Variants in DSCAM observed in about 807,000 individuals in gnomAD.
The protein encoded by DSCAM is cell adhesion molecule DSCAM.
Under a neutral mutation model 217.7 loss-of-function variants are expected in DSCAM, and 47 were observed. That is an observed-to-expected ratio of 0.22 (90% CI 0.17 to 0.28). The LOEUF is 0.28. Ranked by LOEUF, DSCAM falls within the 10% of genes least tolerant of loss-of-function variation. The pLI is 1.00. For synonymous variants in DSCAM, 1,056 were observed against 1,015.3 expected (o/e 1.04, Z -0.76); for missense variants, 2,080 against 2,618.3 (o/e 0.79, Z 4.49).
rs372118440 is a variant in DSCAM, at chr21:40,017,103, C to CA, written c.5687-3718dup. 6.1e-3 allele frequency among the ~76,000 whole-genome samples: 528 copies of CA among 86,078 alleles called. 7 individuals carry two copies. Among genetic ancestry groups the CA allele is most frequent in the Middle Eastern group, 0.015 (2 of 136 alleles). 56.5% of individuals were successfully genotyped at this position (86,078 alleles called of 152,430 possible). ...GGGCAACAAGGATGAAACTCCATCT[C>CA]AAAAAAAAAAAAAAAAAGTATAAGA... On this transcript the variant is annotated intron_variant, in intron 32 of 32. Transcript: ENST00000400454.
intron 11 of DSCAM, among the ~76,000 whole-genome samples, chr21:40,243,395 TTTTTCA>T (rs1337149996): frequency 6.6e-6 from 1 of 152,232 alleles, no homozygotes; most frequent in Non-Finnish European, 1.5e-5. Flanking sequence ...TTTCTTTTTC[TTTTTCA>T]ATAGTGAAAG....
At chr21:40,206,616 C>T (rs1029201684) in intron 11 of DSCAM, among the ~76,000 whole-genome samples, 3 of 150,340 alleles carry the variant, frequency 2.0e-5, no homozygotes, top group Non-Finnish European at 4.4e-5. Context: ...TAAAACTCTG[C>T]TTTTATTTTT....
chr21:40,202,628 C>T (rs954166536), intron 11 of DSCAM, among the ~76,000 whole-genome samples: 1 of 152,232 alleles, frequency 6.6e-6, no homozygotes, highest in African/African-American at 2.4e-5. Flanking sequence ...TCTCCTCTAC[C>T]TGAAGATTCT....
chr21:40,261,046 T>C (rs1054785233), intron 11 of DSCAM, among the ~76,000 whole-genome samples: 4 of 152,214 alleles, frequency 2.6e-5, no homozygotes, highest in Admixed American at 6.5e-5. Context: ...TGTTTGAACA[T>C]AGACAATAGC....
chr21:40,486,435 G>GAGGC (rs962382507), intron 3 of DSCAM, among the ~76,000 whole-genome samples: 3 of 151,708 alleles, frequency 2.0e-5, no homozygotes, highest in Admixed American at 6.6e-5. Context: ...TCAAGTAAAA[G>GAGGC]AGGCAGGCAG....
intron 3 of DSCAM, among the ~76,000 whole-genome samples, chr21:40,395,876 C>CT (rs1321236581): frequency 6.6e-6 from 1 of 152,136 alleles, no homozygotes; most frequent in Non-Finnish European, 1.5e-5. Context: ...TTTGCCAAGC[C>CT]TTATTAAAGC....
intron 8 of DSCAM, among the ~76,000 whole-genome samples, chr21:40,336,661 T>C (rs2074432616): frequency 1.3e-5 from 2 of 152,234 alleles, no homozygotes. Flanking sequence ...ATCTGACTAT[T>C]GCAATGAACC....
intron 3 of DSCAM, among the ~76,000 whole-genome samples, chr21:40,483,446 T>C (rs2075999367): frequency 6.6e-6 from 1 of 152,236 alleles, no homozygotes; most frequent in Non-Finnish European, 1.5e-5. Context: ...TTAGTGTCAC[T>C]GGCCAAACAT....
chr21:40,180,130 C>A (rs2090783346), intron 14 of DSCAM, among the ~76,000 whole-genome samples: 1 of 152,206 alleles, frequency 6.6e-6, no homozygotes, highest in Non-Finnish European at 1.5e-5. Flanking sequence ...CAGTGCCTGG[C>A]TCATAGTAGA....
chr21:40,262,406 C>T (rs1601495602), intron 11 of DSCAM, among the ~76,000 whole-genome samples: 1 of 152,124 alleles, frequency 6.6e-6, no homozygotes, highest in African/African-American at 2.4e-5. Context: ...AGCCTCTTCA[C>T]CTTGAACTTG....
chr21:40,579,214 T>C (rs544956632), intron 3 of DSCAM, among the ~76,000 whole-genome samples: 4 of 151,912 alleles, frequency 2.6e-5, no homozygotes, highest in East Asian at 1.9e-4. Flanking sequence ...ACAATACATA[T>C]GAAGTTCAGA....
chr21:40,670,378 CAAAA>C (rs35052398), intron 3 of DSCAM, among the ~76,000 whole-genome samples: 2 of 151,684 alleles, frequency 1.3e-5, no homozygotes, highest in Admixed American at 1.3e-4. Flanking sequence ...TCTACTAAAA[CAAAA>C]AAAAAATTAG....
intron 3 of DSCAM, among the ~76,000 whole-genome samples, chr21:40,592,898 G>C (rs2076994167): frequency 6.6e-6 from 1 of 152,158 alleles, no homozygotes; most frequent in African/African-American, 2.4e-5. Flanking sequence ...GAACTCACAA[G>C]CACGCACATA....
At chr21:40,551,874 T>C (rs909128012) in intron 3 of DSCAM, among the ~76,000 whole-genome samples, 4 of 152,324 alleles carry the variant, frequency 2.6e-5, no homozygotes, top group Middle Eastern at 3.4e-3. Flanking sequence ...GTTCCTGTCA[T>C]GGCCTGAACT....
chr21:40,404,580 C>A (rs2123783294), intron 3 of DSCAM, among the ~76,000 whole-genome samples: 1 of 152,338 alleles, frequency 6.6e-6, no homozygotes, highest in East Asian at 1.9e-4. Context: ...AAAACCTGCT[C>A]TTTGAATTGC....
chr21:40,363,525 T>C (rs1470337630), intron 4 of DSCAM, among the ~76,000 whole-genome samples: 6 of 152,148 alleles, frequency 3.9e-5, no homozygotes, highest in Non-Finnish European at 7.3e-5. Flanking sequence ...AGTGCTGAGA[T>C]TACAGGTGTG....
chr21:40,844,515 A>G lies in DSCAM; in HGVS notation c.43+2104T>C, dbSNP rs192824998. On this transcript the variant is annotated intron_variant, in intron 1 of 32. Coordinates refer to ENST00000400454, the MANE Select transcript of DSCAM (RefSeq NM_001389.5). ...ATGTCTAATATTGTGGAATCTACCT[A>G]TATTTATTACAATAATGGTGATTAT... Among the ~76,000 whole-genome samples the G allele has an allele frequency of 4.6e-5, 7 of 152,338 alleles. No individual in the cohort carries two copies. The East Asian group carries it at 1.2e-3, about 25-fold the overall frequency.
At chr21:40,535,777 C>A (rs1303763888) in intron 3 of DSCAM, among the ~76,000 whole-genome samples, 1 of 152,052 alleles carries the variant, frequency 6.6e-6, no homozygotes, top group Non-Finnish European at 1.5e-5. Flanking sequence ...AGACGCGGCA[C>A]CTCAGATACA....
At chr21:40,628,475 G>C (rs940173175) in intron 3 of DSCAM, among the ~76,000 whole-genome samples, 1 of 152,160 alleles carries the variant, frequency 6.6e-6, no homozygotes, top group Non-Finnish European at 1.5e-5. Flanking sequence ...GTTTGTTTTT[G>C]TAAATAAATC....
Sources: gnomAD v4.1 joint callset for allele counts (sites outside exome capture counted in the v4.1 genomes callset) on GRCh38, gnomAD v4.1.1 for gene constraint, MANE v1.5 for transcripts, NCBI Gene and HGNC (gene_info 2026-07-23, HGNC 2026-07-21) for gene names.